The following VWA8 variants were observed in gnomAD, a reference collection of about 807,000 sequenced individuals.
The protein encoded by VWA8 is von Willebrand factor A domain-containing protein 8.
In VWA8, 221 loss-of-function variants were observed where a neutral mutation model predicts 241.5. The observed-to-expected ratio is 0.91, with a 90% CI of 0.82 to 1.02. The LOEUF (loss-of-function observed/expected upper bound fraction) is 1.02, where lower values mean the gene tolerates loss of function less well. Ranked by LOEUF, VWA8 falls within the 50% of genes least tolerant of loss-of-function variation. The pLI is 0.00. For synonymous variants in VWA8, 852 were observed against 827.1 expected, an observed-to-expected ratio of 1.03 and a Z score of -0.52; for missense variants, 2,322 against 2,328.7, an observed-to-expected ratio of 1.00 and a Z score of 0.06.
chr13:41,732,216 T>TA, intron 21 of VWA8, 61 bp from the exon 22 acceptor site: 1 of 1,489,770 alleles, frequency 6.7e-7, no homozygotes, highest in Non-Finnish European at 9.3e-7. Context: ...TTGATCATGA[T>TA]AAAAATACAG....
chr13:41,801,286 T>G (rs1869950323), intron 17 of VWA8, among the ~76,000 whole-genome samples: 1 of 152,170 alleles, frequency 6.6e-6, no homozygotes, highest in Non-Finnish European at 1.5e-5. Flanking sequence ...CTATACTTAT[T>G]CATTCTTCAA....
At chr13:41,671,876 A>G (rs1388152878) in intron 36 of VWA8, among the ~76,000 whole-genome samples, 1 of 152,158 alleles carries the variant, frequency 6.6e-6, no homozygotes, top group Non-Finnish European at 1.5e-5. Flanking sequence ...CACTTAAGCT[A>G]CCCACTCTAT....
intron 26 of VWA8, among the ~76,000 whole-genome samples, chr13:41,706,747 T>C (rs1328774865): frequency 2.6e-5 from 4 of 152,212 alleles, no homozygotes; most frequent in Non-Finnish European, 4.4e-5. Flanking sequence ...TAGTGAACTA[T>C]GTCATCCAAC....
chr13:41,816,456 T>C (rs1373843210), intron 16 of VWA8, among the ~76,000 whole-genome samples: 2 of 152,116 alleles, frequency 1.3e-5, no homozygotes, highest in Non-Finnish European at 2.9e-5. Flanking sequence ...AGAACCCCCA[T>C]GAACATGAAG....
At chr13:41,659,388 T>C (rs952940339) in intron 37 of VWA8, among the ~76,000 whole-genome samples, 1 of 152,264 alleles carries the variant, frequency 6.6e-6, no homozygotes, top group Non-Finnish European at 1.5e-5. Context: ...ATAGTGTTTT[T>C]ATAATAATTA....
At chr13:41,937,369 C>T (rs928872303) in intron 2 of VWA8, among the ~76,000 whole-genome samples, 1 of 152,080 alleles carries the variant, frequency 6.6e-6, no homozygotes, top group Non-Finnish European at 1.5e-5. Flanking sequence ...CTAGACAGTC[C>T]CATCTGGGGG....
chr13:41,721,669 G>C, intron 24 of VWA8, 94 bp from the exon 25 acceptor site: 1 of 1,292,178 alleles, frequency 7.7e-7, no homozygotes, highest in East Asian at 2.4e-5. Context: ...GCCACTGGTT[G>C]CTCATCAAAG....
At chr13:41,921,280 A>C (rs926573549) in intron 2 of VWA8, among the ~76,000 whole-genome samples, 2 of 152,198 alleles carry the variant, frequency 1.3e-5, no homozygotes, top group African/African-American at 4.8e-5. Context: ...TATTGATGGG[A>C]TGTATCTCAA....
chr13:41,851,352 G>T (rs1566481327), intron 12 of VWA8, among the ~76,000 whole-genome samples: 1 of 152,166 alleles, frequency 6.6e-6, no homozygotes, highest in Non-Finnish European at 1.5e-5. Flanking sequence ...TCAGTGGCTG[G>T]CTTATTTCAC....
At chr13:41,651,085 TAC>T (rs2044866603) in intron 37 of VWA8, among the ~76,000 whole-genome samples, 1 of 151,760 alleles carries the variant, frequency 6.6e-6, no homozygotes, top group Admixed American at 6.6e-5. Flanking sequence ...CAAAAACAGA[TAC>T]ATAGACCAAT....
intron 36 of VWA8, among the ~76,000 whole-genome samples, chr13:41,673,940 C>G (rs1413009530): frequency 6.6e-6 from 1 of 151,970 alleles, no homozygotes; most frequent in Non-Finnish European, 1.5e-5. Context: ...ACTATAAATA[C>G]TGGAAAAAAT....
At chr13:41,643,299 A>G (rs1038900480) in intron 37 of VWA8, among the ~76,000 whole-genome samples, 1 of 152,024 alleles carries the variant, frequency 6.6e-6, no homozygotes, top group African/African-American at 2.4e-5. Flanking sequence ...TTCTCTATTT[A>G]GGGGCCTGTT....
intron 37 of VWA8, among the ~76,000 whole-genome samples, chr13:41,617,585 A>G (rs1389543152): frequency 1.3e-5 from 2 of 152,168 alleles, no homozygotes; most frequent in East Asian, 1.9e-4. Flanking sequence ...GGTTTGCTGC[A>G]GTCATTAATT....
chr13:41,627,834 G>A (rs913968349), intron 37 of VWA8, among the ~76,000 whole-genome samples: 12 of 152,146 alleles, frequency 7.9e-5, no homozygotes, highest in African/African-American at 2.7e-4. Context: ...AGGTCAGCAT[G>A]AAGCAGTTAC....
At chr13:41,892,169 T>G (rs1874878143) in intron 4 of VWA8, among the ~76,000 whole-genome samples, 1 of 152,182 alleles carries the variant, frequency 6.6e-6, no homozygotes, top group African/African-American at 2.4e-5. Flanking sequence ...ACTACAAGTC[T>G]TCCAATAAAT....
chr13:41,570,744 G>T (rs766610927), intron 43 of VWA8, 38 bp from the exon 44 acceptor site: 53 of 1,575,596 alleles, frequency 3.4e-5, no homozygotes, highest in Non-Finnish European at 4.6e-5. Flanking sequence ...CCATGGCTGA[G>T]AAACTTCTTT....
intron 2 of VWA8, among the ~76,000 whole-genome samples, chr13:41,914,831 G>A (rs1238949381): frequency 6.6e-6 from 1 of 152,162 alleles, no homozygotes; most frequent in Non-Finnish European, 1.5e-5. Context: ...TAAAGTTCTA[G>A]AAGTTCAAGC....
At chr13:41,851,885 A>G (rs932188202) in intron 12 of VWA8, among the ~76,000 whole-genome samples, 3 of 152,228 alleles carry the variant, frequency 2.0e-5, no homozygotes, top group African/African-American at 7.2e-5. Context: ...ATATGCCACA[A>G]TAAACATGGG....
intron 29 of VWA8, among the ~76,000 whole-genome samples, chr13:41,693,844 G>A (rs909190213): frequency 1.3e-5 from 2 of 151,954 alleles, no homozygotes; most frequent in African/African-American, 2.4e-5. Flanking sequence ...AGACTAACAG[G>A]TTTGCAGAAA....
Sources: allele counts gnomAD v4.1 joint callset (sites outside exome capture counted in the v4.1 genomes callset), GRCh38; gene constraint gnomAD v4.1.1; transcripts MANE v1.5; gene names NCBI Gene and HGNC (gene_info 2026-07-23, HGNC 2026-07-21).